ADCY10: variants seen among roughly 807,000 people sequenced by gnomAD.
ADCY10 encodes the protein adenylate cyclase type 10.
ADCY10 carries 156 observed loss-of-function variants against 183.3 expected under a neutral mutation model. The observed-to-expected ratio is 0.85, with a 90% CI of 0.75 to 0.97. The LOEUF (loss-of-function observed/expected upper bound fraction) is 0.97. Ranked by LOEUF, ADCY10 falls within the 50% of genes least tolerant of loss-of-function variation. The probability of loss-of-function intolerance (pLI) is 0.00; values close to 1 mark genes in which losing one functional copy is unlikely to be tolerated. For missense variants in ADCY10, 1,745 were observed against 1,934.3 expected, an observed-to-expected ratio of 0.90 and a Z score of 1.84; for synonymous variants, 645 against 670.0, an observed-to-expected ratio of 0.96 and a Z score of 0.58.
rs757918877 is a variant in ADCY10, at chr1:167,836,478, G to A, written c.3140C>T (p.Thr1047Ile). 11 of 1,614,102 alleles carry A rather than the reference G, an allele frequency of 6.8e-6. No homozygotes were observed. The Admixed American group carries it at 1.8e-4, about 27-fold the overall frequency. The part of the protein sequence containing the change: ...FFDHVLTKMK[T>I]SDEDIIPLES... ...CAGAGGGATAATGTCTTCGTCAGATGTCTTCATTTTTGTTAAAACGTGGTC... is the reference window on the plus strand; with the variant it reads ...CAGAGGGATAATGTCTTCGTCAGATATCTTCATTTTTGTTAAAACGTGGTC... The change falls in exon 23 of 33, where the codon ACA (threonine) becomes ATA (isoleucine). Residue 1047 changes from threonine to isoleucine, a missense_variant. Transcript: ENST00000367851.
chr1:167,898,137 T>C (rs1024839744), intron 6 of ADCY10, among the ~76,000 whole-genome samples: 2 of 151,530 alleles, frequency 1.3e-5, no homozygotes, highest in Non-Finnish European at 2.9e-5. Context: ...GTGCATAGTA[T>C]TGTACCAATG....
intron 7 of ADCY10, among the ~76,000 whole-genome samples, chr1:167,896,294 G>T (rs1346032938): frequency 1.3e-5 from 2 of 152,198 alleles, no homozygotes; most frequent in African/African-American, 4.8e-5. Context: ...ATTGGTGAAG[G>T]TTAGGAGGGG....
chr1:167,896,145 T>C (rs925605138), intron 7 of ADCY10, among the ~76,000 whole-genome samples: 3 of 152,116 alleles, frequency 2.0e-5, no homozygotes, highest in Admixed American at 2.0e-4. Flanking sequence ...AGAAGCTAGG[T>C]GTCAGCGGTG....
At chr1:167,818,576 C>T (rs534999015) in intron 30 of ADCY10, among the ~76,000 whole-genome samples, 1 of 152,236 alleles carries the variant, frequency 6.6e-6, no homozygotes, top group East Asian at 1.9e-4. Context: ...TTGCTCTTGT[C>T]CCCCAGTCTG....
chr1:167,869,828 T>A (rs533384537), intron 14 of ADCY10, among the ~76,000 whole-genome samples: 1 of 152,038 alleles, frequency 6.6e-6, no homozygotes, highest in African/African-American at 2.4e-5. Context: ...GCCTGCCGAT[T>A]CTCCCAGCTG....
intron 13 of ADCY10, among the ~76,000 whole-genome samples, chr1:167,872,984 C>T (rs758201008): frequency 2.0e-5 from 3 of 151,592 alleles, no homozygotes; most frequent in South Asian, 2.1e-4. Flanking sequence ...GCAGAAGAAT[C>T]GCTTGAACCC....
intron 13 of ADCY10, 109 bp from the exon 14 acceptor site, chr1:167,870,519 G>T (rs1018301622): frequency 2.0e-6 from 2 of 994,522 alleles, no homozygotes; most frequent in South Asian, 1.4e-5. Context: ...TGGGCCAGGC[G>T]CTGTGGCTCA....
intron 9 of ADCY10, among the ~76,000 whole-genome samples, chr1:167,881,086 T>A (rs1223906487): frequency 6.6e-6 from 1 of 152,210 alleles, no homozygotes; most frequent in African/African-American, 2.4e-5. Context: ...TGCTGAGATG[T>A]TTTTGGCTAC....
chr1:167,845,723 C>G lies in ADCY10; in HGVS notation c.2847G>C (p.Met949Ile), dbSNP rs138606502. The G allele has an allele frequency of 3.7e-5, 60 of 1,614,242 alleles. No individual in the cohort carries two copies. The highest frequency in any genetic ancestry group is 3.3e-4 in the Middle Eastern group (2 of 6,062). The change falls in exon 21 of 33, where the codon ATG becomes ATC. Residue 949 changes from methionine (M) to isoleucine (I), a missense_variant. Physicochemically the swap from Met to Ile is conservative, Grantham distance 10. Transcript: ENST00000367851. ...ELWLKDQRKA[M>I]HLKCARFLEE... ...CTAAAAAGCGGGCACATTTCAAGTG[C>G]ATGGCTTTTCTCTGGTCCTTGAGCC...
chr1:167,904,502 ATTTC>A (rs988472629), intron 2 of ADCY10: 1 of 233,084 alleles, frequency 4.3e-6, no homozygotes, highest in African/African-American at 2.3e-5. Flanking sequence ...GGCTCCAGAT[ATTTC>A]TTTCTTCCAA....
Position 167,889,573 on chromosome 1 carries a change from G to A in ADCY10, c.828+4280C>T, listed in dbSNP as rs564201884. The stretch of plus-strand genomic sequence containing the variant: ...ACTTTTGTCTGGTTTTGGTATCAGG[G>A]TAATACTGGCCTTGTAGAATGAGTT... On this transcript the variant is annotated intron_variant, in intron 8 of 32. Transcript: ENST00000367851. Among the ~76,000 whole-genome samples, 3 of 152,218 alleles carry A rather than the reference G, an allele frequency of 2.0e-5. No individual in the cohort carries two copies. In the South Asian group the frequency reaches 6.2e-4, roughly 32 times the overall value.
chr1:167,859,683 G>C (rs1361894825), intron 16 of ADCY10, 124 bp downstream of exon 16: 1 of 803,274 alleles, frequency 1.2e-6, no homozygotes, highest in East Asian at 2.4e-5. Context: ...AGCACTTTAG[G>C]ACAAAGCCTT....
intron 1 of ADCY10, among the ~76,000 whole-genome samples, chr1:167,912,774 G>A (rs951819027): frequency 6.6e-6 from 1 of 152,152 alleles, no homozygotes; most frequent in African/African-American, 2.4e-5. Flanking sequence ...TAAGAACCTT[G>A]GTGTTCCTCC....
chr1:167,809,971 T>C (rs1041882379), intron 32 of ADCY10, 132 bp from the exon 33 acceptor site: 3 of 868,374 alleles, frequency 3.5e-6, no homozygotes, highest in Non-Finnish European at 5.6e-6. Context: ...AAACGAATCT[T>C]GCTGTCCAAA....
chr1:167,815,463 G>C (rs1293942912), intron 31 of ADCY10, among the ~76,000 whole-genome samples: 2 of 152,164 alleles, frequency 1.3e-5, no homozygotes, highest in Non-Finnish European at 2.9e-5. Flanking sequence ...CTAAGGAAGA[G>C]GGGACTGAAA....
rs369042645 is a variant in ADCY10 at position 167,818,594 on chromosome 1, A to G, written c.4287-327T>C. 5.9e-5 allele frequency among the ~76,000 whole-genome samples: 9 copies of G among 152,206 alleles called. No individual in the cohort carries two copies. In the East Asian group the frequency reaches 1.2e-3, roughly 20 times the overall value. On this transcript the variant is annotated intron_variant, in intron 30 of 32. Coordinates refer to ENST00000367851, the MANE Select transcript of ADCY10 (RefSeq NM_018417.6). ...CTCTTGTCCCCCAGTCTGGAGTGCA[A>G]TGGCACAATCTTGGCTTACTGCAAC...
chr1:167,905,349 T>C (rs965680049), intron 1 of ADCY10, among the ~76,000 whole-genome samples, 151 bp from the exon 2 acceptor site: 2 of 152,218 alleles, frequency 1.3e-5, no homozygotes, highest in Non-Finnish European at 2.9e-5. Flanking sequence ...AGGGCCAATT[T>C]CTATACAGAG....
intron 23 of ADCY10, 152 bp from the exon 24 acceptor site, chr1:167,834,229 G>A (rs1664019536): frequency 1.4e-6 from 1 of 694,330 alleles, no homozygotes; most frequent in Admixed American, 2.1e-5. Context: ...GATTAAAATG[G>A]GCTTCCAAAT....
At position 167,904,610 on chromosome 1, in the gene ADCY10, T is replaced by C. The variant is rs561902402; in HGVS notation, c.148+383A>G. 2.0e-3 allele frequency: 1,005 copies of C among 512,524 alleles called. 2 individuals are homozygous for C. Among genetic ancestry groups the C allele is most frequent in the Non-Finnish European group, 3.0e-3 (869 of 289,050 alleles). The allele number at this position is 512,524 out of a possible 1,614,324, so 31.7% of individuals were successfully genotyped here. ...AAAACACACACATTTCAAACACTTC[T>C]GAAGAGGTGGCAAGTTTATTAGTAA... On this transcript the variant is annotated intron_variant, in intron 2 of 32. Transcript: ENST00000367851.
Sources: gnomAD v4.1 joint callset for allele counts (sites outside exome capture counted in the v4.1 genomes callset) on GRCh38, gnomAD v4.1.1 for gene constraint, MANE v1.5 for transcripts, NCBI Gene and HGNC (gene_info 2026-07-23, HGNC 2026-07-21) for gene names.